MTF2: variants seen among roughly 807,000 people sequenced by gnomAD.
MTF2 encodes metal response element binding transcription factor 2.
A neutral mutation model predicts 79.5 loss-of-function variants in MTF2; 11 were observed. The ratio of observed to expected loss-of-function variants is 0.14; its 90% CI spans 0.09 to 0.23. MTF2 has a LOEUF of 0.23. Among genes scored for constraint, MTF2 ranks in the 10% least tolerant of loss-of-function variants. The probability of loss-of-function intolerance (pLI) is 1.00; values close to 1 mark genes in which losing one functional copy is unlikely to be tolerated. For synonymous variants in MTF2, 208 were observed against 232.8 expected (o/e 0.89, Z 0.97); for missense variants, 486 against 711.2 (o/e 0.68, Z 3.60).
At chr1:93,105,990 T>A (rs750078070) in intron 1 of MTF2, among the ~76,000 whole-genome samples, 6 of 152,190 alleles carry the variant, frequency 3.9e-5, no homozygotes, top group Non-Finnish European at 8.8e-5. Context: ...GTGTTGAATG[T>A]TTAATGTAGG....
At chr1:93,113,158 T>C (rs778736985) in intron 3 of MTF2, among the ~76,000 whole-genome samples, 21 of 151,484 alleles carry the variant, frequency 1.4e-4, no homozygotes, top group Non-Finnish European at 5.9e-5. Context: ...GGCAGGAGGA[T>C]TGCTTGAGCC....
At chr1:93,102,325 G>A (rs867634560) in intron 1 of MTF2, among the ~76,000 whole-genome samples, 1 of 152,326 alleles carries the variant, frequency 6.6e-6, no homozygotes, top group African/African-American at 2.4e-5. Flanking sequence ...TAGGCTGGGC[G>A]TGGTGGCTCA....
At chr1:93,094,787 A>G (rs1164134869) in intron 1 of MTF2, among the ~76,000 whole-genome samples, 2 of 152,194 alleles carry the variant, frequency 1.3e-5, no homozygotes, top group Admixed American at 6.5e-5. Context: ...TGCTCAGTGC[A>G]TAGATCTATT....
At chr1:93,130,839 G>GC (rs1270449748) in intron 11 of MTF2, among the ~76,000 whole-genome samples, 1 of 152,162 alleles carries the variant, frequency 6.6e-6, no homozygotes, top group Non-Finnish European at 1.5e-5. Flanking sequence ...TCTGGCCTGA[G>GC]CAACTGGTGG....
chr1:93,105,667 T>TTGTG (rs34818210), intron 1 of MTF2, among the ~76,000 whole-genome samples: 5 of 150,902 alleles, frequency 3.3e-5, no homozygotes, highest in East Asian at 1.9e-4. Context: ...TGAATGTTGT[T>TTGTG]TGTGTGTGTG....
Position 93,133,947 on chromosome 1 carries a change from A to C in MTF2, c.1286A>C (p.Glu429Ala), listed in dbSNP as rs1303971285. The C allele has an allele frequency of 6.3e-7, 1 of 1,578,404 alleles. No homozygotes were observed. Among genetic ancestry groups the C allele is most frequent in the Non-Finnish European group, 8.7e-7 (1 of 1,151,302 alleles). The change falls in exon 13 of 15, where the codon GAG (glutamate) becomes GCG (alanine). Residue 429 changes from glutamate to alanine, a missense_variant. Physicochemically the swap from Glu to Ala is moderately radical, Grantham distance 107. Coordinates refer to ENST00000370298, the MANE Select transcript of MTF2 (RefSeq NM_007358.4). ...EPLLDKESIS[E>A]NPTLDLPCSI... is the part of the protein sequence containing the mutation. ...TTCCAGGATAAGGAATCAATTTCAG[A>C]GAATCCTACTTTGGATTTACCTTGT...
intron 6 of MTF2, among the ~76,000 whole-genome samples, chr1:93,117,414 T>A (rs1395834823): frequency 1.3e-5 from 2 of 152,098 alleles, no homozygotes; most frequent in South Asian, 2.1e-4. Context: ...AGAGAAGATA[T>A]ATTTCTTAGA....
In MTF2 at chr1:93,079,549, G is replaced by A; in HGVS notation, c.5+18G>A. On this transcript the variant is annotated intron_variant, in intron 1 of 14. Coordinates refer to ENST00000370298, the MANE Select transcript of MTF2 (RefSeq NM_007358.4). Reference sequence around the variant, plus strand: ...CGAATGAGGTGAGAGACCTTGGCCTGGGAACCGACTCTTCCGGAGGAGATG... The same window carrying A: ...CGAATGAGGTGAGAGACCTTGGCCTAGGAACCGACTCTTCCGGAGGAGATG... 1 of 1,613,756 alleles carries A rather than the reference G, an allele frequency of 6.2e-7. No homozygotes were observed. The highest frequency in any genetic ancestry group is 1.1e-5 in the South Asian group (1 of 90,994).
rs986574531 is a variant in MTF2, at chr1:93,079,343, T to A, written c.-184T>A. 1.5e-6 allele frequency: 1 copy of A among 685,600 alleles called. No homozygotes were observed. Among genetic ancestry groups the A allele is most frequent in the Admixed American group, 2.4e-5 (1 of 41,528 alleles). 42.5% of individuals were successfully genotyped at this position (685,600 alleles called of 1,614,324 possible). The stretch of plus-strand genomic sequence containing the variant: ...TGAAGTGGGCTGTGTTTGAGGCCGG[T>A]GTAAGAACGCTCATTCTACCCCCAA... On this transcript the variant is annotated 5_prime_UTR_variant, in exon 1 of 15. Coordinates refer to ENST00000370298, the MANE Select transcript of MTF2 (RefSeq NM_007358.4).
intron 1 of MTF2, among the ~76,000 whole-genome samples, chr1:93,109,583 C>T (rs1212974184): frequency 1.3e-5 from 2 of 152,216 alleles, no homozygotes; most frequent in Non-Finnish European, 2.9e-5. Flanking sequence ...GATCCACCCG[C>T]CTCAGCCTCC....
intron 8 of MTF2, chr1:93,119,627 T>A (rs891212779): frequency 1.4e-5 from 6 of 431,412 alleles, no homozygotes; most frequent in Non-Finnish European, 2.5e-5. Context: ...AATGAAACTT[T>A]CAGATATCCT....
intron 9 of MTF2, chr1:93,121,191 G>A (rs760328092): frequency 2.1e-5 from 21 of 983,102 alleles, no homozygotes; most frequent in Non-Finnish European, 2.3e-5. Context: ...ATCTCATTTT[G>A]CTTCTCATTT....
At chr1:93,125,904 T>A (rs1192365910) in intron 9 of MTF2, among the ~76,000 whole-genome samples, 2 of 152,080 alleles carry the variant, frequency 1.3e-5, no homozygotes, top group Non-Finnish European at 2.9e-5. Context: ...GGAATGGGCT[T>A]TTTTAGTTGG....
intron 9 of MTF2, among the ~76,000 whole-genome samples, chr1:93,123,816 CT>C (rs78978620): frequency 0.011 from 1,256 of 110,418 alleles, 12 homozygotes; most frequent in African/African-American, 0.027. Flanking sequence ...ATTTTAAAGA[CT>C]TTTTTTTTTT....
Position 93,138,694 on chromosome 1 carries a change from T to A in MTF2, c.*1667T>A, listed in dbSNP as rs1647505072. 1 of 152,216 alleles carries A rather than the reference T, an allele frequency of 6.6e-6. No individual in the cohort carries two copies. Among genetic ancestry groups the A allele is most frequent in the African/African-American group, 2.4e-5 (1 of 41,456 alleles). The allele number at this position is 152,216 out of a possible 1,614,324, so 9.4% of individuals were successfully genotyped here. On this transcript the variant is annotated 3_prime_UTR_variant, in exon 15 of 15. Coordinates refer to ENST00000370298, the MANE Select transcript of MTF2 (RefSeq NM_007358.4). ...AACTTGATTTTCCCCTAGCTATTAA[T>A]TTAAGGTTGCCTTTCCTGCAGCTGC...
intron 14 of MTF2, chr1:93,134,540 T>A (rs1433749112): frequency 5.2e-6 from 1 of 191,140 alleles, no homozygotes; most frequent in African/African-American, 2.4e-5. Flanking sequence ...TTTTTCTTTT[T>A]AAGAGACAGA....
chr1:93,129,247 A>T (rs1483198654), intron 10 of MTF2, 31 bp from the exon 11 acceptor site: 2 of 1,480,288 alleles, frequency 1.4e-6, no homozygotes, highest in African/African-American at 1.4e-5. Context: ...TTCAGTTTTT[A>T]AAATTTTAGT....
chr1:93,117,683 A>T (rs982504259), intron 6 of MTF2, among the ~76,000 whole-genome samples: 1 of 152,138 alleles, frequency 6.6e-6, no homozygotes, highest in African/African-American at 2.4e-5. Flanking sequence ...GGGGCAAACA[A>T]CAGTACCTCT....
intron 1 of MTF2, among the ~76,000 whole-genome samples, chr1:93,104,398 A>T (rs962030641): frequency 2.6e-5 from 4 of 151,680 alleles, no homozygotes; most frequent in Non-Finnish European, 4.4e-5. Flanking sequence ...TTAAAAATGT[A>T]CCCCGGGCGC....
Sources: gnomAD v4.1 joint callset for allele counts (sites outside exome capture counted in the v4.1 genomes callset) on GRCh38, gnomAD v4.1.1 for gene constraint, MANE v1.5 for transcripts, NCBI Gene and HGNC (gene_info 2026-07-23, HGNC 2026-07-21) for gene names.